The following CD109 variants were observed in gnomAD, a reference collection of about 807,000 sequenced individuals.
CD109 encodes the protein CD109 antigen.
CD109 carries 149 observed loss-of-function variants against 165.8 expected under a neutral mutation model. The ratio of observed to expected loss-of-function variants is 0.90; its 90% CI spans 0.79 to 1.03. CD109 has a LOEUF of 1.03. CD109 is among the 50% of genes least tolerant of loss of function. The pLI, the probability that CD109 is intolerant of heterozygous loss-of-function variation, is 0.00. For missense variants in CD109, 1,712 were observed against 1,677.8 expected (o/e 1.02, Z -0.36); for synonymous variants, 585 against 592.1 (o/e 0.99, Z 0.18).
Position 73,818,452 on chromosome 6 carries a change from G to T in CD109, c.3976G>T (p.Val1326Leu), listed in dbSNP as rs1582210257. ...MEVNLLSGFM[V>L]PSEAISLSET... ...AGTTAACCTATTAAGTGGCTTTATGGTGCCTTCAGAAGCAATTTCTCTGAG... is the reference window on the plus strand; with the variant it reads ...AGTTAACCTATTAAGTGGCTTTATGTTGCCTTCAGAAGCAATTTCTCTGAG... The change falls in exon 31 of 33, where the codon GTG becomes TTG. Residue 1326 changes from valine (V) to leucine (L), a missense_variant. Transcript: ENST00000287097. 2 of 1,613,758 alleles carry T rather than the reference G, an allele frequency of 1.2e-6. No homozygotes were observed. The highest frequency in any genetic ancestry group is 1.7e-6 in the Non-Finnish European group (2 of 1,179,900).
chr6:73,821,418 C>G (rs1776103946), intron 32 of CD109, among the ~76,000 whole-genome samples: 1 of 152,230 alleles, frequency 6.6e-6, no homozygotes, highest in East Asian at 1.9e-4. Context: ...GCCACCTGCA[C>G]TCATATGTTT....
At chr6:73,708,000 A>G (rs1269366916) in intron 2 of CD109, among the ~76,000 whole-genome samples, 1 of 61,278 alleles carries the variant, frequency 1.6e-5, no homozygotes, top group Non-Finnish European at 3.7e-5. Flanking sequence ...ATATATATAT[A>G]TATATATATT....
chr6:73,724,016 G>C (rs555458416), intron 3 of CD109, among the ~76,000 whole-genome samples: 4 of 152,204 alleles, frequency 2.6e-5, no homozygotes, highest in Non-Finnish European at 5.9e-5. Context: ...GCCATGCTGA[G>C]ACATACTAGA....
intron 14 of CD109, among the ~76,000 whole-genome samples, chr6:73,769,191 G>A (rs746297607): frequency 6.6e-6 from 1 of 152,022 alleles, no homozygotes. Context: ...CGCCAGGCCT[G>A]TACTTTAGTT....
intron 27 of CD109, 95 bp from the exon 28 acceptor site, chr6:73,810,897 G>A (rs1775731815): frequency 2.5e-6 from 3 of 1,208,516 alleles, no homozygotes; most frequent in Non-Finnish European, 2.3e-6. Flanking sequence ...CTGAAGGAAG[G>A]TGTATGAATA....
chr6:73,802,954 C>T (rs1775422573), intron 23 of CD109, among the ~76,000 whole-genome samples: 1 of 152,078 alleles, frequency 6.6e-6, no homozygotes, highest in Non-Finnish European at 1.5e-5. Context: ...CCTGCTTCGG[C>T]CTCCCAAAGC....
rs141233330 is a variant in CD109 at position 73,765,526 on chromosome 6, G to A, written c.1108-404G>A. Among the ~76,000 whole-genome samples, 177 of 152,258 alleles carry A rather than the reference G, an allele frequency of 1.2e-3. 1 individual carries two copies. The highest frequency in any genetic ancestry group is 4.0e-3 in the African/African-American group (167 of 41,548). ...GGTGTTGGGCATGAACTCCAGAGAAGGGCAAGGATGGGAATTTTGGCTTTA... is the reference window on the plus strand; with the variant it reads ...GGTGTTGGGCATGAACTCCAGAGAAAGGCAAGGATGGGAATTTTGGCTTTA... On this transcript the variant is annotated intron_variant, in intron 10 of 32. Transcript: ENST00000287097.
chr6:73,711,471 T>C (rs1179736281), intron 2 of CD109, among the ~76,000 whole-genome samples: 1 of 152,230 alleles, frequency 6.6e-6, no homozygotes, highest in Non-Finnish European at 1.5e-5. Context: ...CAATAGTTTT[T>C]TTGCCTTAAA....
chr6:73,751,660 T>C (rs2150208317), intron 5 of CD109, among the ~76,000 whole-genome samples: 2 of 152,296 alleles, frequency 1.3e-5, no homozygotes, highest in South Asian at 4.1e-4. Flanking sequence ...AACAGCCTGC[T>C]CACTGACAGC....
At chr6:73,686,270 GC>G in the CD109 span, among the ~76,000 whole-genome samples, 140 of 152,286 alleles carry the variant, frequency 9.2e-4, no homozygotes, top group Non-Finnish European at 1.7e-3. Context: ...GAGGGGATGA[GC>G]CCTGGAAACT....
chr6:73,744,464 ATGAACCTG>A lies in CD109; in HGVS notation c.633+7960_633+7967del, dbSNP rs1772906307. Among the ~76,000 whole-genome samples the A allele has an allele frequency of 2.0e-5, 3 of 152,196 alleles. No homozygotes were observed. In the South Asian group the frequency reaches 6.2e-4, roughly 32 times the overall value. ...AGAATATATATGGTTGCTGTATTTG[ATGAACCTG>A]TGAGCTAATGGAAAACAGGACTTTT... is the stretch of plus-strand genomic sequence containing the variant. On this transcript the variant is annotated intron_variant, in intron 5 of 32. Transcript: ENST00000287097.
intron 7 of CD109, 142 bp from the exon 8 acceptor site, chr6:73,762,242 T>G: frequency 3.3e-6 from 2 of 605,372 alleles, no homozygotes; most frequent in Non-Finnish European, 5.8e-6. Context: ...ATTACAGGCG[T>G]GAGCCACCGC....
intron 3 of CD109, among the ~76,000 whole-genome samples, chr6:73,729,977 G>A (rs907434293): frequency 3.9e-5 from 6 of 152,186 alleles, no homozygotes; most frequent in African/African-American, 1.4e-4. Flanking sequence ...TTCATCAGCT[G>A]ACTGCCTCAA....
chr6:73,727,203 A>G (rs913014742), intron 3 of CD109, among the ~76,000 whole-genome samples: 1 of 152,112 alleles, frequency 6.6e-6, no homozygotes, highest in African/African-American at 2.4e-5. Flanking sequence ...CAGTCTCATT[A>G]TGCGCCCCCA....
intron 2 of CD109, among the ~76,000 whole-genome samples, chr6:73,704,935 T>C (rs951478748): frequency 6.6e-6 from 1 of 152,186 alleles, no homozygotes; most frequent in African/African-American, 2.4e-5. Flanking sequence ...GGTACTATTA[T>C]CTTTTACTTC....
intron 5 of CD109, among the ~76,000 whole-genome samples, chr6:73,747,619 A>G (rs576113133): frequency 1.3e-5 from 2 of 152,288 alleles, no homozygotes; most frequent in East Asian, 3.9e-4. Flanking sequence ...CTTTAAAACT[A>G]TCTACCTTTA....
upstream of CD109, among the ~76,000 whole-genome samples, chr6:73,692,134 A>G (rs1031667586): frequency 6.6e-6 from 1 of 152,102 alleles, no homozygotes; most frequent in Non-Finnish European, 1.5e-5. Flanking sequence ...TGCCCCCATG[A>G]TTCAATCACC....
chr6:73,681,754 C>A, the CD109 span, among the ~76,000 whole-genome samples: 4 of 152,026 alleles, frequency 2.6e-5, no homozygotes, highest in Non-Finnish European at 4.4e-5. Flanking sequence ...AGGTGCACAC[C>A]ACCACACCTG....
At chr6:73,727,379 G>A (rs905412888) in intron 3 of CD109, among the ~76,000 whole-genome samples, 2 of 152,062 alleles carry the variant, frequency 1.3e-5, no homozygotes, top group African/African-American at 4.8e-5. Flanking sequence ...TGGGTGGCTT[G>A]CCCTGGGACT....
Sources: allele counts gnomAD v4.1 joint callset (sites outside exome capture counted in the v4.1 genomes callset), GRCh38; gene constraint gnomAD v4.1.1; transcripts MANE v1.5; gene names NCBI Gene and HGNC (gene_info 2026-07-23, HGNC 2026-07-21).